Variants in SIN3A observed in about 807,000 individuals in gnomAD.
SIN3A encodes SIN3 transcription regulator family member A.
Under a neutral mutation model 146.1 loss-of-function variants are expected in SIN3A, and 14 were observed. The ratio of observed to expected loss-of-function variants is 0.10; its 90% CI spans 0.06 to 0.15. The LOEUF (loss-of-function observed/expected upper bound fraction) is 0.15. Ranked by LOEUF, SIN3A falls within the 10% of genes least tolerant of loss-of-function variation. The pLI is 1.00. For synonymous variants in SIN3A, 572 were observed against 572.0 expected, an observed-to-expected ratio of 1.00 and a Z score of 0.00; for missense variants, 1,028 against 1,576.0, an observed-to-expected ratio of 0.65 and a Z score of 5.89.
At chr15:75,386,401 C>G (rs912680524) in intron 16 of SIN3A, among the ~76,000 whole-genome samples, 1 of 152,222 alleles carries the variant, frequency 6.6e-6, no homozygotes, top group Non-Finnish European at 1.5e-5. Flanking sequence ...CTGGCCCCTC[C>G]TCGAGTCTTC....
intron 13 of SIN3A, among the ~76,000 whole-genome samples, chr15:75,396,051 C>G (rs1299343571): frequency 1.3e-5 from 2 of 152,156 alleles, no homozygotes; most frequent in African/African-American, 4.8e-5. Context: ...AGCCTTCCAC[C>G]ATGAACTTAC....
intron 6 of SIN3A, 147 bp from the exon 7 acceptor site, chr15:75,410,433 T>C: frequency 4.3e-6 from 3 of 697,258 alleles, no homozygotes; most frequent in Non-Finnish European, 6.7e-6. Context: ...CCACAGACTT[T>C]CAAGTTGAGA....
At chr15:75,421,828 C>G (rs2073843869) in intron 3 of SIN3A, 2 of 152,162 alleles carry the variant, frequency 1.3e-5, no homozygotes, top group African/African-American at 2.4e-5. Context: ...TTCAAGTGGT[C>G]AGAGATACAA....
chr15:75,391,462 A>G (rs1398745242), intron 15 of SIN3A, among the ~76,000 whole-genome samples: 1 of 152,080 alleles, frequency 6.6e-6, no homozygotes, highest in Non-Finnish European at 1.5e-5. Context: ...AACAGATAGA[A>G]AGCTAGGGCC....
chr15:75,411,697 G>A lies in SIN3A; in HGVS notation c.803C>T (p.Pro268Leu), dbSNP rs371634411. 3.2e-5 allele frequency: 52 copies of A among 1,612,636 alleles called. No individual in the cohort carries two copies. Among genetic ancestry groups the A allele is most frequent in the Non-Finnish European group, 3.8e-5 (45 of 1,178,980 alleles). The change falls in exon 6 of 21, where the codon CCA (proline) becomes CTA (leucine). Residue 268 changes from proline to leucine, a missense_variant. By Grantham distance (98) the Pro-to-Leu change is moderately conservative (BLOSUM62 -3). Around this residue, in one of 9 missense-constraint regions of SIN3A, gnomAD observed 112 missense variants for 135.7 expected, o/e 0.83. Coordinates refer to ENST00000394947, the MANE Select transcript of SIN3A (RefSeq NM_001145358.2). ...ACGTGGGGATGCATACGGTGGAAGT[G>A]GGGGAGTCTGCTGACTGGCCGGAGT... is the stretch of plus-strand genomic sequence containing the variant. ...AHTPASQQTP[P>L]LPPYASPRSP...
At chr15:75,399,222 A>AAAAAC (rs1480087372) in intron 12 of SIN3A, among the ~76,000 whole-genome samples, 5 of 151,908 alleles carry the variant, frequency 3.3e-5, no homozygotes, top group African/African-American at 7.3e-5. Context: ...CCTGTCTCAA[A>AAAAAC]AAAACAAAAC....
chr15:75,392,142 T>C lies in SIN3A; in HGVS notation c.2851+100A>G, dbSNP rs1362184559. 2.9e-6 allele frequency: 3 copies of C among 1,026,308 alleles called. No homozygotes were observed. In the African/African-American group the frequency reaches 4.8e-5, roughly 16 times the overall value. The allele number at this position is 1,026,308 out of a possible 1,614,324, so 63.6% of individuals were successfully genotyped here. ...GAGAGTTTAACTACACAGACTCTAA[T>C]GCCTGTGCTCTATTAATAAAAGAAG... On this transcript the variant is annotated intron_variant, in intron 15 of 20. Transcript: ENST00000394947.
At chr15:75,433,163 A>G (rs1221414802) in intron 1 of SIN3A, among the ~76,000 whole-genome samples, 3 of 152,178 alleles carry the variant, frequency 2.0e-5, no homozygotes, top group Non-Finnish European at 2.9e-5. Context: ...GGATGGGAGA[A>G]TGTTTGAGGG....
At chr15:75,397,044 A>G (rs2073318026) in intron 12 of SIN3A, among the ~76,000 whole-genome samples, 1 of 152,244 alleles carries the variant, frequency 6.6e-6, no homozygotes, top group Non-Finnish European at 1.5e-5. Flanking sequence ...ACATCCAGTA[A>G]TAATAAGAGC....
chr15:75,375,344 G>A (rs1452533289), intron 20 of SIN3A, among the ~76,000 whole-genome samples: 1 of 152,148 alleles, frequency 6.6e-6, no homozygotes, highest in African/African-American at 2.4e-5. Context: ...TACAAGCCCA[G>A]GAATGCCAAA....
intron 3 of SIN3A, chr15:75,421,003 T>C (rs1035725024): frequency 2.6e-5 from 4 of 152,184 alleles, no homozygotes; most frequent in Admixed American, 6.5e-5. Context: ...ACATAATCCA[T>C]ATACTTATAC....
At chr15:75,409,779 C>T (rs2073595671) in intron 8 of SIN3A, 57 bp downstream of exon 8, 2 of 1,555,340 alleles carry the variant, frequency 1.3e-6, no homozygotes, top group Non-Finnish European at 1.8e-6. Flanking sequence ...CTCTAGAGTA[C>T]CTCTCCATTA....
chr15:75,394,899 G>C, intron 13 of SIN3A, 36 bp from the exon 14 acceptor site: 2 of 1,583,630 alleles, frequency 1.3e-6, no homozygotes, highest in Non-Finnish European at 1.7e-6. Context: ...CAACACATGG[G>C]AATTCAGAGG....
upstream of SIN3A, among the ~76,000 whole-genome samples, chr15:75,454,147 CCCT>C (rs2074453228): frequency 7.1e-6 from 1 of 141,170 alleles, no homozygotes; most frequent in Non-Finnish European, 1.5e-5. Flanking sequence ...CAAGAACCGT[CCCT>C]CCTCCCTCCG....
intron 3 of SIN3A, among the ~76,000 whole-genome samples, chr15:75,418,322 G>A (rs1018413211): frequency 1.3e-5 from 2 of 148,462 alleles, no homozygotes; most frequent in Non-Finnish European, 1.5e-5. Flanking sequence ...AAGCCACTGC[G>A]TCTGGCCTAT....
intron 17 of SIN3A, among the ~76,000 whole-genome samples, chr15:75,383,342 T>C (rs1190427751): frequency 6.6e-6 from 1 of 151,468 alleles, no homozygotes; most frequent in Non-Finnish European, 1.5e-5. Flanking sequence ...TACTCAAGCA[T>C]AGAGAAGTTT....
chr15:75,444,693 C>A (rs891507329), intron 1 of SIN3A, among the ~76,000 whole-genome samples: 1 of 151,920 alleles, frequency 6.6e-6, no homozygotes, highest in African/African-American at 2.4e-5. Context: ...ATACAGACTT[C>A]GGTGACACTG....
intron 16 of SIN3A, among the ~76,000 whole-genome samples, chr15:75,385,883 T>G (rs2073066603): frequency 1.3e-5 from 2 of 152,182 alleles, no homozygotes; most frequent in Admixed American, 1.3e-4. Context: ...TAAAGGATTC[T>G]GATACAACCA....
At chr15:75,433,111 T>C (rs545594130) in intron 1 of SIN3A, among the ~76,000 whole-genome samples, 2 of 152,256 alleles carry the variant, frequency 1.3e-5, no homozygotes, top group Middle Eastern at 3.4e-3. Flanking sequence ...GGCACGACTA[T>C]AGAAAAAACA....
Sources: allele counts gnomAD v4.1 joint callset (sites outside exome capture counted in the v4.1 genomes callset), GRCh38; gene constraint gnomAD v4.1.1; regional missense constraint gnomAD v4.1.1; transcripts MANE v1.5; gene names NCBI Gene and HGNC (gene_info 2026-07-23, HGNC 2026-07-21).